Variants in RNF157 observed in about 807,000 individuals in gnomAD.
RNF157 encodes ring finger protein 157, also known as E3 ubiquitin ligase RNF157.
A neutral mutation model predicts 88.3 loss-of-function variants in RNF157; 55 were observed. The ratio of observed to expected loss-of-function variants is 0.62; its 90% CI spans 0.50 to 0.78. RNF157 has a LOEUF of 0.78. Among genes scored for constraint, RNF157 ranks in the 30% least tolerant of loss-of-function variants. The probability of loss-of-function intolerance (pLI) is 0.00; values close to 1 mark genes in which losing one functional copy is unlikely to be tolerated. For synonymous variants in RNF157, 334 were observed against 341.2 expected (o/e 0.98, Z 0.23); for missense variants, 788 against 860.8 (o/e 0.92, Z 1.06).
At chr17:76,158,743 T>G (rs1415368154) in intron 12 of RNF157, among the ~76,000 whole-genome samples, 3 of 152,158 alleles carry the variant, frequency 2.0e-5, no homozygotes, top group Non-Finnish European at 2.9e-5. Flanking sequence ...CTAACTTGCC[T>G]GGCTCGAAAC....
intron 2 of RNF157, among the ~76,000 whole-genome samples, chr17:76,184,668 C>T (rs563504432): frequency 6.6e-6 from 1 of 152,200 alleles, no homozygotes; most frequent in Non-Finnish European, 1.5e-5. Flanking sequence ...GAGCCAATCA[C>T]CAGCTTAGAA....
At chr17:76,219,059 TGA>T (rs1210476345) in intron 1 of RNF157, among the ~76,000 whole-genome samples, 1 of 152,030 alleles carries the variant, frequency 6.6e-6, no homozygotes, top group Non-Finnish European at 1.5e-5. Flanking sequence ...TAGGTGTAAG[TGA>T]GAGTCAAAGG....
chr17:76,173,559 C>T, intron 3 of RNF157, 143 bp downstream of exon 3: 3 of 624,908 alleles, frequency 4.8e-6, no homozygotes, highest in Admixed American at 2.9e-5. Flanking sequence ...AAGTAGCGCC[C>T]GCACTCCTGT....
chr17:76,225,153 CAG>C (rs1024883828), intron 1 of RNF157, among the ~76,000 whole-genome samples: 2 of 152,014 alleles, frequency 1.3e-5, no homozygotes, highest in African/African-American at 4.8e-5. Flanking sequence ...GCCTAGGCAA[CAG>C]AGTGAGCCTC....
chr17:76,176,745 A>T lies in RNF157; in HGVS notation c.208-2955T>A, dbSNP rs1264022624. ...CGCGGTAGGGCAAAGAGGAGCCCCG[A>T]GGCGGAGCTGGGCCTTGGCCAGTGT... On this transcript the variant is annotated intron_variant, in intron 2 of 18. Coordinates refer to ENST00000269391, the MANE Select transcript of RNF157 (RefSeq NM_052916.3). This position sits in a 1 kb window ranked among gnomAD's most constrained non-coding sequence, Gnocchi z 4.2. 6.6e-6 allele frequency among the ~76,000 whole-genome samples: 1 copy of T among 152,204 alleles called. No individual in the cohort carries two copies. Among genetic ancestry groups the T allele is most frequent in the East Asian group, 1.9e-4 (1 of 5,182 alleles).
In RNF157 at chr17:76,161,006, A is replaced by C. The variant is rs904591473; in HGVS notation, c.1065+529T>G. Among the ~76,000 whole-genome samples, 1 of 152,150 alleles carries C rather than the reference A, an allele frequency of 6.6e-6. No individual in the cohort carries two copies. Among genetic ancestry groups the C allele is most frequent in the Non-Finnish European group, 1.5e-5 (1 of 68,030 alleles). ...ATCCCAATACCATTCACTAAATAAT[A>C]ATCTCTCCCAGCAGTGCGTTAGTCT... On this transcript the variant is annotated intron_variant, in intron 11 of 18. Coordinates refer to ENST00000269391, the MANE Select transcript of RNF157 (RefSeq NM_052916.3). The surrounding 1 kb of genome is among the most constrained non-coding windows in gnomAD (Gnocchi z 4.6).
At chr17:76,165,427 G>T in intron 7 of RNF157, 75 bp downstream of exon 7, 1 of 1,492,074 alleles carries the variant, frequency 6.7e-7, no homozygotes, top group African/African-American at 1.4e-5. Context: ...CAGGCACCCA[G>T]CAAACGGGTT....
chr17:76,162,127 T>C (rs377288876), intron 9 of RNF157, 125 bp from the exon 10 acceptor site: 1 of 956,756 alleles, frequency 1.0e-6, no homozygotes, highest in African/African-American at 1.6e-5. Context: ...TGCATTGACA[T>C]TGGACTTTGT....
At chr17:76,200,036 G>A (rs556273222) in intron 2 of RNF157, among the ~76,000 whole-genome samples, 8 of 151,976 alleles carry the variant, frequency 5.3e-5, no homozygotes, top group Admixed American at 1.3e-4. Context: ...AGGAGATCGA[G>A]ACCATCCTGG....
At chr17:76,232,926 AT>A (rs34189763) in intron 1 of RNF157, among the ~76,000 whole-genome samples, 198 of 147,442 alleles carry the variant, frequency 1.3e-3, no homozygotes, top group African/African-American at 2.5e-3. Flanking sequence ...AATCTCGCAT[AT>A]TTTTTTTTTT....
intron 1 of RNF157, among the ~76,000 whole-genome samples, chr17:76,229,387 T>G (rs2070149880): frequency 2.0e-5 from 3 of 152,328 alleles, no homozygotes; most frequent in South Asian, 2.1e-4. Flanking sequence ...CTTTGGTTTA[T>G]TTGTAAAATA....
At chr17:76,155,104 C>G in intron 16 of RNF157, 148 bp downstream of exon 16, 1 of 705,728 alleles carries the variant, frequency 1.4e-6, no homozygotes, top group Non-Finnish European at 2.5e-6. Flanking sequence ...TCTCTACCCA[C>G]ATTCCACTTC....
chr17:76,186,853 T>C (rs995533363), intron 2 of RNF157, among the ~76,000 whole-genome samples: 1 of 150,020 alleles, frequency 6.7e-6, no homozygotes, highest in Admixed American at 6.6e-5. Context: ...GGCAGGAGAA[T>C]TGCCTGAACC....
At chr17:76,190,968 T>G (rs1311473277) in intron 2 of RNF157, among the ~76,000 whole-genome samples, 1 of 151,966 alleles carries the variant, frequency 6.6e-6, no homozygotes, top group African/African-American at 2.4e-5. Context: ...TCCCGGCACT[T>G]TGGGAGGCCA....
intron 2 of RNF157, among the ~76,000 whole-genome samples, chr17:76,206,583 T>G (rs1033141414): frequency 6.6e-6 from 1 of 152,178 alleles, no homozygotes; most frequent in African/African-American, 2.4e-5. Flanking sequence ...GTGGATTGCC[T>G]GAGGTCAGGA....
At chr17:76,211,131 T>C (rs2069792132) in intron 2 of RNF157, among the ~76,000 whole-genome samples, 1 of 152,204 alleles carries the variant, frequency 6.6e-6, no homozygotes, top group South Asian at 2.1e-4. Flanking sequence ...CCAGACTGGT[T>C]TCCTTATTTG....
At chr17:76,189,261 A>G (rs2069343249) in intron 2 of RNF157, among the ~76,000 whole-genome samples, 1 of 152,258 alleles carries the variant, frequency 6.6e-6, no homozygotes, top group Non-Finnish European at 1.5e-5. Flanking sequence ...TGTTAACCTT[A>G]GGTGGAGCTG....
At position 76,177,147 on chromosome 17, in the gene RNF157, G is replaced by A. The variant is rs528444960; in HGVS notation, c.208-3357C>T. ...GACACTGGCCCCGGCCCTGGCCCCG[G>A]CCCAGTGAGGACCTGGAGCCCCTGC... is the stretch of plus-strand genomic sequence containing the variant. On this transcript the variant is annotated intron_variant, in intron 2 of 18. Coordinates refer to ENST00000269391, the MANE Select transcript of RNF157 (RefSeq NM_052916.3). 2.0e-5 allele frequency among the ~76,000 whole-genome samples: 3 copies of A among 152,182 alleles called. No individual in the cohort carries two copies. In the South Asian group the frequency reaches 6.2e-4, roughly 32 times the overall value.
chr17:76,230,072 T>C (rs2070161195), intron 1 of RNF157, among the ~76,000 whole-genome samples: 1 of 152,154 alleles, frequency 6.6e-6, no homozygotes, highest in Non-Finnish European at 1.5e-5. Context: ...AATGGATTTT[T>C]TTGGAGAAAC....
Sources: gnomAD v4.1 joint callset for allele counts (sites outside exome capture counted in the v4.1 genomes callset) on GRCh38, gnomAD v4.1.1 for gene constraint, Gnocchi (gnomAD v3.1) non-coding constraint, MANE v1.5 for transcripts, NCBI Gene and HGNC (gene_info 2026-07-23, HGNC 2026-07-21) for gene names.